The following PLEKHA5 variants were observed in gnomAD, a reference collection of about 807,000 sequenced individuals.
The protein encoded by PLEKHA5 is pleckstrin homology domain-containing family A member 5.
Under a neutral mutation model 181.9 loss-of-function variants are expected in PLEKHA5, and 55 were observed. The ratio of observed to expected loss-of-function variants is 0.30; its 90% confidence interval spans 0.24 to 0.38. PLEKHA5 has a LOEUF of 0.38. PLEKHA5 is among the 10% of genes least tolerant of loss of function. The pLI, the probability that PLEKHA5 is intolerant of heterozygous loss-of-function variation, is 1.00. For synonymous variants in PLEKHA5, 535 were observed against 529.4 expected (o/e 1.01, Z -0.15); for missense variants, 1,432 against 1,549.5 (o/e 0.92, Z 1.27).
At chr12:19,343,296 A>G (rs769582742) in intron 21 of PLEKHA5, 27 bp from the exon 22 acceptor site, 6 of 1,363,582 alleles carry the variant, frequency 4.4e-6, no homozygotes, top group Non-Finnish European at 6.3e-6. Flanking sequence ...TTTTTCTTAT[A>G]TATGGTCTAT....
chr12:19,183,707 T>A (rs1000508705), intron 3 of PLEKHA5, among the ~76,000 whole-genome samples: 7 of 152,258 alleles, frequency 4.6e-5, no homozygotes, highest in South Asian at 2.1e-4. Context: ...AAAATTTTTT[T>A]ATTTTCTTTC....
intron 3 of PLEKHA5, among the ~76,000 whole-genome samples, chr12:19,231,706 T>C (rs980518155): frequency 2.6e-5 from 4 of 151,158 alleles, no homozygotes; most frequent in African/African-American, 9.7e-5. Context: ...CATGCTAGAA[T>C]TTGAAGATTA....
chr12:19,337,811 A>T (rs963365046), intron 21 of PLEKHA5, among the ~76,000 whole-genome samples: 1 of 151,892 alleles, frequency 6.6e-6, no homozygotes, highest in Non-Finnish European at 1.5e-5. Flanking sequence ...ATTAGCCAGG[A>T]TCACGAGGTC....
intron 25 of PLEKHA5, among the ~76,000 whole-genome samples, chr12:19,350,046 A>T (rs577728196): frequency 6.6e-6 from 1 of 152,322 alleles, no homozygotes; most frequent in East Asian, 1.9e-4. Flanking sequence ...CAGGAGTCAG[A>T]GGTTGCAGTG....
intron 3 of PLEKHA5, among the ~76,000 whole-genome samples, chr12:19,185,572 G>A (rs1328948962): frequency 6.6e-6 from 1 of 152,164 alleles, no homozygotes; most frequent in African/African-American, 2.4e-5. Context: ...CATATTAGTT[G>A]AGTCTCTGGA....
At chr12:19,364,827 G>A (rs570024771) in intron 29 of PLEKHA5, among the ~76,000 whole-genome samples, 8 of 151,918 alleles carry the variant, frequency 5.3e-5, no homozygotes, top group Admixed American at 4.6e-4. Context: ...CACTGTGCCC[G>A]GCTAATTTTT....
intron 3 of PLEKHA5, among the ~76,000 whole-genome samples, chr12:19,159,301 T>TG: frequency 6.6e-6 from 1 of 152,294 alleles, no homozygotes; most frequent in Non-Finnish European, 1.5e-5. Flanking sequence ...AGAAGTAAAT[T>TG]GGGCATTTAG....
chr12:19,373,998 A>T (rs1477906170), intron 31 of PLEKHA5, among the ~76,000 whole-genome samples: 1 of 152,094 alleles, frequency 6.6e-6, no homozygotes, highest in African/African-American at 2.4e-5. Context: ...ATTGTCGGAT[A>T]TTTTCTAGTC....
At chr12:19,259,897 TACTC>T (rs1470745098) in intron 6 of PLEKHA5, among the ~76,000 whole-genome samples, 1 of 151,996 alleles carries the variant, frequency 6.6e-6, no homozygotes, top group African/African-American at 2.4e-5. Flanking sequence ...CTGAAGTCAT[TACTC>T]ACAGCTAGAA....
At chr12:19,227,685 G>C (rs980040606) in intron 3 of PLEKHA5, among the ~76,000 whole-genome samples, 6 of 152,146 alleles carry the variant, frequency 3.9e-5, no homozygotes, top group African/African-American at 1.4e-4. Context: ...CTAGTTGCAA[G>C]GGAAGCCAGG....
At chr12:19,171,597 A>C (rs1275901273) in intron 3 of PLEKHA5, among the ~76,000 whole-genome samples, 1 of 152,056 alleles carries the variant, frequency 6.6e-6, no homozygotes, top group Non-Finnish European at 1.5e-5. Context: ...GACCTCAAAT[A>C]ATCAGCCCAC....
chr12:19,353,616 C>T (rs1230610837), intron 25 of PLEKHA5, among the ~76,000 whole-genome samples: 3 of 152,116 alleles, frequency 2.0e-5, no homozygotes, highest in Admixed American at 6.5e-5. Flanking sequence ...TGCGCCACCA[C>T]GCCCATCTAA....
At chr12:19,140,115 G>A (rs2036826150) in intron 3 of PLEKHA5, among the ~76,000 whole-genome samples, 1 of 152,152 alleles carries the variant, frequency 6.6e-6, no homozygotes, top group Non-Finnish European at 1.5e-5. Context: ...AGTGATTAGT[G>A]TACATCAGTA....
chr12:19,242,421 A>G lies in PLEKHA5; in HGVS notation c.228-11519A>G, dbSNP rs549009279. 5.9e-5 allele frequency among the ~76,000 whole-genome samples: 9 copies of G among 152,122 alleles called. No homozygotes were observed. In the South Asian group the frequency reaches 1.2e-3, roughly 21 times the overall value. On this transcript the variant is annotated intron_variant, in intron 3 of 31. Coordinates refer to ENST00000429027, the MANE Select transcript of PLEKHA5 (RefSeq NM_001256470.2). ...ACACCTGGCTAATTTTTGTATTTTT[A>G]GTAGAGACACGGTTTCACCATTTTG...
intron 30 of PLEKHA5, among the ~76,000 whole-genome samples, chr12:19,367,756 T>A (rs1436563332): frequency 3.0e-5 from 4 of 132,338 alleles, no homozygotes; most frequent in African/African-American, 8.8e-5. Flanking sequence ...ATTTTTTGTA[T>A]TTTTTTTTTT....
chr12:19,295,766 G>C (rs1436376442), intron 15 of PLEKHA5, among the ~76,000 whole-genome samples: 2 of 152,080 alleles, frequency 1.3e-5, no homozygotes. Flanking sequence ...GAGCACACTG[G>C]TTGTTTTGGC....
rs954978412 is a variant in PLEKHA5 at position 19,374,684 on chromosome 12, G to A, written c.*12-847G>A. Among the ~76,000 whole-genome samples, 5 of 150,228 alleles carry A rather than the reference G, an allele frequency of 3.3e-5. No homozygotes were observed. In the Admixed American group the frequency reaches 3.3e-4, roughly 10 times the overall value. ...AAAAATAATAAGAAGGCCAGGTGCA[G>A]TGGCTCACACCTGGAATCCTAGCAC... is the stretch of plus-strand genomic sequence containing the variant. On this transcript the variant is annotated intron_variant, in intron 31 of 31. Transcript: ENST00000429027.
Position 19,322,661 on chromosome 12 carries a change from C to G in PLEKHA5, c.2442C>G (p.Ala814=). ...LLSTCRELSR[A]TAELERAWRE... ...GTACGTGTCGAGAACTTTCTCGAGC[C>G]ACTGCCGTAAGTAGATTTTTTTTTT... Residue 814 remains alanine (A), a synonymous_variant, in exon 20 of 32, where the codon GCC becomes GCG. Coordinates refer to ENST00000429027, the MANE Select transcript of PLEKHA5 (RefSeq NM_001256470.2). 1 of 1,610,238 alleles carries G rather than the reference C, an allele frequency of 6.2e-7. No homozygotes were observed. Among genetic ancestry groups the G allele is most frequent in the Non-Finnish European group, 8.5e-7 (1 of 1,178,232 alleles).
At chr12:19,297,558 C>T (rs1220560822) in intron 15 of PLEKHA5, among the ~76,000 whole-genome samples, 2 of 147,042 alleles carry the variant, frequency 1.4e-5, no homozygotes, top group Admixed American at 6.9e-5. Context: ...GGAAGCGGAG[C>T]TTGCAGTGAG....
Sources: allele counts gnomAD v4.1 joint callset (sites outside exome capture counted in the v4.1 genomes callset), GRCh38; gene constraint gnomAD v4.1.1; transcripts MANE v1.5; gene names NCBI Gene and HGNC (gene_info 2026-07-23, HGNC 2026-07-21).